Variants in SCAF1 observed in about 807,000 individuals in gnomAD.
SCAF1 encodes the protein SR-related CTD associated factor 1.
Under a neutral mutation model 91.2 loss-of-function variants are expected in SCAF1, and 28 were observed. The ratio of observed to expected loss-of-function variants is 0.31; its 90% CI spans 0.23 to 0.42. SCAF1 has a LOEUF of 0.42. Ranked by LOEUF, SCAF1 falls within the 10% of genes least tolerant of loss-of-function variation. The pLI is 1.00. For missense variants in SCAF1, 1,893 were observed against 1,872.1 expected (o/e 1.01, Z -0.21); for synonymous variants, 1,036 against 833.7 (o/e 1.24, Z -4.18).
upstream of SCAF1, chr19:49,642,040 A>ACC (rs768468664): frequency 6.6e-6 from 1 of 152,188 alleles, no homozygotes; most frequent in Non-Finnish European, 1.5e-5. The surrounding 1 kb of genome is among the most constrained non-coding windows in gnomAD (Gnocchi z 4.0). Flanking sequence ...CATCGCGCGG[A>ACC]CCCCGCCCCA....
chr19:49,657,215 GA>G (rs1386321076), intron 9 of SCAF1, among the ~76,000 whole-genome samples: 3 of 152,172 alleles, frequency 2.0e-5, no homozygotes, highest in Non-Finnish European at 4.4e-5. Context: ...AGGGGTCAGA[GA>G]CAGGGAGTGG....
In SCAF1 at chr19:49,646,584, C is replaced by T. The variant is rs371276978; in HGVS notation, c.320C>T (p.Pro107Leu). The T allele has an allele frequency of 6.8e-6, 11 of 1,613,958 alleles. No homozygotes were observed. The highest frequency in any genetic ancestry group is 4.0e-5 in the African/African-American group (3 of 74,892). Reference sequence around the variant, plus strand: ...GGGCTGGTGAGTGTCCTGGATCCCCCGGATACCTGGGTTCCCAGCCGCCTG... The same window carrying T: ...GGGCTGGTGAGTGTCCTGGATCCCCTGGATACCTGGGTTCCCAGCCGCCTG... ...LAGLVSVLDPPDTWVPSRLDL... is the reference protein window; with the variant it reads ...LAGLVSVLDPLDTWVPSRLDL... Residue 107 changes from proline (P) to leucine (L), a missense_variant, in exon 5 of 11, where the codon CCG becomes CTG. Around this residue, in one of 5 missense-constraint regions of SCAF1, gnomAD observed 270 missense variants for 292.5 expected, o/e 0.92. Transcript: ENST00000360565. The surrounding 1 kb of genome is among the most constrained non-coding windows in gnomAD (Gnocchi z 5.6).
chr19:49,645,032 GGAA>G lies in SCAF1; in HGVS notation c.12_14del (p.Glu4del), dbSNP rs1669542786. The G allele has an allele frequency of 6.2e-7, 1 of 1,613,790 alleles. No homozygotes were observed. Among genetic ancestry groups the G allele is most frequent in the Non-Finnish European group, 8.5e-7 (1 of 1,179,752 alleles). On this transcript the variant is annotated inframe_deletion, in exon 2 of 11. Coordinates refer to ENST00000360565, the MANE Select transcript of SCAF1 (RefSeq NM_021228.3). The surrounding 1 kb of genome is among the most constrained non-coding windows in gnomAD (Gnocchi z 4.6). ...CCCTGGACCCCCAGGTGACCATGGA[GGAA>G]GAAGATGAGTCTCGAGGGAAGACAG...
At chr19:49,656,269 A>G (rs1397453283) in intron 9 of SCAF1, among the ~76,000 whole-genome samples, 1 of 152,032 alleles carries the variant, frequency 6.6e-6, no homozygotes, top group African/African-American at 2.4e-5. Context: ...GCGTCTCTCT[A>G]GAGACCCACA....
At chr19:49,656,779 T>G (rs1217277838) in intron 9 of SCAF1, among the ~76,000 whole-genome samples, 1 of 152,218 alleles carries the variant, frequency 6.6e-6, no homozygotes, top group Non-Finnish European at 1.5e-5. Context: ...ATTGAGTCTT[T>G]GCTCTGTACC....
At chr19:49,641,883 A>C (rs1328824971), upstream of SCAF1, among the ~76,000 whole-genome samples, 1 of 151,908 alleles carries the variant, frequency 6.6e-6, no homozygotes, top group Non-Finnish European at 1.5e-5. Flanking sequence ...CTCTTACGTC[A>C]CCTCCTGTTC....
chr19:49,646,860 G>A lies in SCAF1; in HGVS notation c.478+30G>A, dbSNP rs769087679. On this transcript the variant is annotated intron_variant, in intron 6 of 10. Transcript: ENST00000360565. The surrounding 1 kb of genome is among the most constrained non-coding windows in gnomAD (Gnocchi z 5.6). Reference sequence around the variant, plus strand: ...GTGGGGCCAGGGCGGAGCTGGGCAGGTGGTCGTGGAGTTGTGTGGGGATCG... The same window carrying A: ...GTGGGGCCAGGGCGGAGCTGGGCAGATGGTCGTGGAGTTGTGTGGGGATCG... The A allele has an allele frequency of 1.9e-6, 3 of 1,565,112 alleles. No homozygotes were observed. The highest frequency in any genetic ancestry group is 2.3e-5 in the East Asian group (1 of 43,606).
chr19:49,650,087 A>C lies in SCAF1; in HGVS notation c.479-781A>C, dbSNP rs562256557. On this transcript the variant is annotated intron_variant, in intron 6 of 10. Coordinates refer to ENST00000360565, the MANE Select transcript of SCAF1 (RefSeq NM_021228.3). Reference sequence around the variant, plus strand: ...GCAGCGGGCTCTTTGGGGGCGAATGAGGTGACATACGAAGCACCATGCCTG... The same window carrying C: ...GCAGCGGGCTCTTTGGGGGCGAATGCGGTGACATACGAAGCACCATGCCTG... 6.0e-4 allele frequency among the ~76,000 whole-genome samples: 91 copies of C among 152,304 alleles called. 1 individual carries two copies. Among genetic ancestry groups the C allele is most frequent in the Admixed American group, 1.1e-3 (17 of 15,306 alleles).
Position 49,658,308 on chromosome 19 carries a change from A to G in SCAF1, c.3848A>G (p.Lys1283Arg). 1 of 1,608,486 alleles carries G rather than the reference A, an allele frequency of 6.2e-7. No homozygotes were observed. The highest frequency in any genetic ancestry group is 1.1e-5 in the South Asian group (1 of 90,554). Residue 1283 changes from lysine (K) to arginine (R), a missense_variant, in exon 11 of 11, where the codon AAG (lysine) becomes AGG (arginine). By Grantham distance (26) the Lys-to-Arg change is conservative. Transcript: ENST00000360565. ...RYRYFRKHGR[K>R]PGDPPGPPRP... ...CGCTACTTCCGCAAGCACGGTCGCAAGCCAGGGGACCCCCCAGGGCCCCCA... is the reference window on the plus strand; with the variant it reads ...CGCTACTTCCGCAAGCACGGTCGCAGGCCAGGGGACCCCCCAGGGCCCCCA...
At chr19:49,657,702 G>T (rs1442372673) in intron 9 of SCAF1, 59 bp from the exon 10 acceptor site, 10 of 1,543,196 alleles carry the variant, frequency 6.5e-6, no homozygotes, top group Non-Finnish European at 8.8e-6. Context: ...GGAGGTGGAG[G>T]TTCCGCAGGT....
intron 6 of SCAF1, among the ~76,000 whole-genome samples, chr19:49,650,167 C>G (rs2081077161): frequency 6.6e-6 from 1 of 152,188 alleles, no homozygotes; most frequent in Non-Finnish European, 1.5e-5. Flanking sequence ...TCAGTGGTGT[C>G]TTTGAGTCCT....
At chr19:49,640,926 A>G (rs1418627164), upstream of SCAF1, among the ~76,000 whole-genome samples, 1 of 152,066 alleles carries the variant, frequency 6.6e-6, no homozygotes, top group East Asian at 1.9e-4. Context: ...TTAGGAGAAA[A>G]TGGGGCTGGA....
Position 49,646,778 on chromosome 19 carries a change from G to A in SCAF1, c.426G>A (p.Leu142=). 1 of 1,613,858 alleles carries A rather than the reference G, an allele frequency of 6.2e-7. No homozygotes were observed. Among genetic ancestry groups the A allele is most frequent in the Non-Finnish European group, 8.5e-7 (1 of 1,180,018 alleles). Residue 142 remains leucine, a synonymous_variant, in exon 6 of 11, where the codon CTG becomes CTA. Transcript: ENST00000360565. The surrounding 1 kb of genome is among the most constrained non-coding windows in gnomAD (Gnocchi z 5.6). ...TCGGGGACAGAGATCCCATCCCTCT[G>A]CCTGTGCCCAGCCTGCTGCCCCGTC... ...VRIGDRDPIP[L]PVPSLLPRLR... is the part of the protein sequence containing the mutation.
intron 9 of SCAF1, among the ~76,000 whole-genome samples, chr19:49,657,218 AG>A (rs968291953): frequency 1.3e-5 from 2 of 152,208 alleles, no homozygotes; most frequent in African/African-American, 2.4e-5. Context: ...GGTCAGAGAC[AG>A]GGAGTGGCAG....
Position 49,653,518 on chromosome 19 carries a change from T to C in SCAF1, c.3129T>C (p.Ala1043=). ...AAGAGGAGGAGGAGCAGCAGCCTGC[T>C]ACCACCACGGCCACCAGCACTGCTG... The part of the protein sequence containing the change: ...EEEEEEEQQP[A]TTTATSTAAA... Residue 1043 remains alanine (A), a synonymous_variant, in exon 7 of 11, where the codon GCT becomes GCC. Coordinates refer to ENST00000360565, the MANE Select transcript of SCAF1 (RefSeq NM_021228.3). 1 of 1,574,016 alleles carries C rather than the reference T, an allele frequency of 6.4e-7. No homozygotes were observed. Among genetic ancestry groups the C allele is most frequent in the South Asian group, 1.2e-5 (1 of 86,030 alleles).
At position 49,642,323 on chromosome 19, in the gene SCAF1, C is replaced by G. The variant is rs2081031193; in HGVS notation, c.-7+81C>G. 6.6e-6 allele frequency: 1 copy of G among 152,036 alleles called. No individual in the cohort carries two copies. The highest frequency in any genetic ancestry group is 2.4e-5 in the African/African-American group (1 of 41,398). The allele number at this position is 152,036 out of a possible 1,614,324, so 9.4% of individuals were successfully genotyped here. A position where few individuals can be genotyped will look rare whatever the true frequency, so the allele number is the denominator to read the frequency against. On this transcript the variant is annotated intron_variant, in intron 1 of 10. Transcript: ENST00000360565. The surrounding 1 kb of genome is among the most constrained non-coding windows in gnomAD (Gnocchi z 4.0). ...GGCGGAGTTGGGTCGCTAGTTGTCCCGGGGTCCTCCCCACAAGCCACGGGT... is the reference window on the plus strand; with the variant it reads ...GGCGGAGTTGGGTCGCTAGTTGTCCGGGGGTCCTCCCCACAAGCCACGGGT...
rs1484669550 is a variant in SCAF1 at position 49,654,635 on chromosome 19, C to T, written c.3400-17C>T. 6.3e-7 allele frequency: 1 copy of T among 1,598,786 alleles called. No individual in the cohort carries two copies. Among genetic ancestry groups the T allele is most frequent in the South Asian group, 1.1e-5 (1 of 90,216 alleles). On this transcript the variant is annotated splice_polypyrimidine_tract_variant and intron_variant, in intron 8 of 10. Transcript: ENST00000360565. ...CCACCTCCCTTTACTCATCACCCCT[C>T]TGTCCTCGTCCCACAGATCCTCAGC...
Position 49,653,619 on chromosome 19 carries a change from G to T in SCAF1, c.3230G>T (p.Arg1077Leu). The change falls in exon 7 of 11, where the codon CGT becomes CTT. Residue 1077 changes from arginine (R) to leucine (L), a missense_variant. Physicochemically the swap from Arg to Leu is moderately radical, Grantham distance 102 (BLOSUM62 -2). This residue lies in a region of SCAF1 where 1,436 missense variants were observed against 1,306.8 expected (regional missense o/e 1.10). Coordinates refer to ENST00000360565, the MANE Select transcript of SCAF1 (RefSeq NM_021228.3). ...GGGGCGGAGGACGGGCCAGCTTCCC[G>T]TGTCTCCCAGCTGCCCACGTTGCCC... The part of the protein sequence containing the change: ...DSGAEDGPAS[R>L]VSQLPTLPPP... 1.3e-6 allele frequency: 2 copies of T among 1,586,686 alleles called. No homozygotes were observed.
intron 7 of SCAF1, among the ~76,000 whole-genome samples, chr19:49,654,136 C>T (rs1453395007): frequency 6.6e-6 from 1 of 152,154 alleles, no homozygotes. Context: ...CCTGGCCAAC[C>T]CCGCACCCAC....
Sources: gnomAD v4.1 joint callset for allele counts (sites outside exome capture counted in the v4.1 genomes callset) on GRCh38, gnomAD v4.1.1 for gene constraint, gnomAD v4.1.1 regional missense constraint, Gnocchi (gnomAD v3.1) non-coding constraint, MANE v1.5 for transcripts, NCBI Gene and HGNC (gene_info 2026-07-23, HGNC 2026-07-21) for gene names.